The following MGAT4C variants were observed in gnomAD, a reference collection of about 807,000 sequenced individuals.
The protein encoded by MGAT4C is MGAT4 family member C.
Under a neutral mutation model 40.1 loss-of-function variants are expected in MGAT4C, and 19 were observed. That is an observed-to-expected ratio of 0.47 (90% confidence interval 0.33 to 0.70). MGAT4C has a LOEUF of 0.70. Among genes scored for constraint, MGAT4C ranks in the 30% least tolerant of loss-of-function variants. MGAT4C has a pLI of 0.02. For missense variants in MGAT4C, 491 were observed against 563.2 expected (o/e 0.87, Z 1.30); for synonymous variants, 181 against 187.1 (o/e 0.97, Z 0.27).
At chr12:86,502,830 CGAGTTCTGCTCATATATATATAT>C (rs1565808868) in intron 2 of MGAT4C, among the ~76,000 whole-genome samples, 6 of 27,004 alleles carry the variant, frequency 2.2e-4, no homozygotes, top group African/African-American at 2.8e-4. Flanking sequence ...TATGTATACA[CGAGTTCTGCTCATATATATATAT>C]GAGTTCTGCT....
intron 2 of MGAT4C, among the ~76,000 whole-genome samples, chr12:86,675,235 G>A (rs1964362957): frequency 6.6e-6 from 1 of 152,114 alleles, no homozygotes; most frequent in Admixed American, 6.6e-5. Context: ...TTGGTCCCAT[G>A]GAAACATTTA....
At chr12:86,173,548 A>G (rs936185779) in intron 1 of MGAT4C, among the ~76,000 whole-genome samples, 1 of 152,176 alleles carries the variant, frequency 6.6e-6, no homozygotes, top group African/African-American at 2.4e-5. Flanking sequence ...TTCCACAATT[A>G]TAAATATATC....
chr12:86,106,625 C>G (rs558106395), intron 1 of MGAT4C, among the ~76,000 whole-genome samples: 1 of 152,138 alleles, frequency 6.6e-6, no homozygotes, highest in East Asian at 1.9e-4. Flanking sequence ...AGAGTATTCT[C>G]TTGTTCTCTT....
chr12:86,493,381 A>T (rs1958175648), intron 2 of MGAT4C, among the ~76,000 whole-genome samples: 1 of 152,126 alleles, frequency 6.6e-6, no homozygotes, highest in Admixed American at 6.6e-5. Flanking sequence ...ACAATAGCAA[A>T]GACTTGGAAC....
intron 1 of MGAT4C, among the ~76,000 whole-genome samples, chr12:86,234,326 T>C (rs1413752104): frequency 6.6e-6 from 1 of 152,178 alleles, no homozygotes; most frequent in Non-Finnish European, 1.5e-5. Flanking sequence ...GGATTTGAAT[T>C]GATTTTTATA....
At chr12:86,294,606 A>G (rs758793358) in intron 4 of MGAT4C, among the ~76,000 whole-genome samples, 24 of 152,176 alleles carry the variant, frequency 1.6e-4, no homozygotes, top group Non-Finnish European at 2.4e-4. Context: ...CTGCAACTGT[A>G]CAAAATTGTA....
At chr12:86,358,466 C>T (rs1955370489) in intron 3 of MGAT4C, among the ~76,000 whole-genome samples, 1 of 152,090 alleles carries the variant, frequency 6.6e-6, no homozygotes, top group Admixed American at 6.6e-5. Flanking sequence ...GGATCAAATT[C>T]ACACATAACA....
At chr12:86,096,596 CT>C (rs899309826) in intron 1 of MGAT4C, among the ~76,000 whole-genome samples, 13 of 150,894 alleles carry the variant, frequency 8.6e-5, no homozygotes, top group Non-Finnish European at 1.5e-4. Flanking sequence ...TTCCTCGAAT[CT>C]TTTTTTTATG....
At chr12:86,519,947 A>C (rs1958763512) in intron 2 of MGAT4C, among the ~76,000 whole-genome samples, 1 of 152,070 alleles carries the variant, frequency 6.6e-6, no homozygotes, top group South Asian at 2.1e-4. Context: ...TGTGTTTTTG[A>C]GGTCTTACAC....
At chr12:86,346,122 A>G (rs75643971) in intron 3 of MGAT4C, among the ~76,000 whole-genome samples, 1,716 of 152,326 alleles carry the variant, frequency 0.011, 19 homozygotes, top group East Asian at 0.046. Context: ...TGTGCCCACT[A>G]TTTTAAATCC....
chr12:86,411,194 T>TA (rs1956595953), intron 3 of MGAT4C, among the ~76,000 whole-genome samples: 1 of 152,190 alleles, frequency 6.6e-6, no homozygotes, highest in Non-Finnish European at 1.5e-5. Context: ...GTTATAAAGA[T>TA]ACCTTAAAAC....
rs894838058 is a variant in MGAT4C at position 85,964,149 on chromosome 12, A to G, written c.*15140T>C. 3 of 152,142 alleles carry G rather than the reference A, an allele frequency of 2.0e-5. No homozygotes were observed. The highest frequency in any genetic ancestry group is 7.2e-5 in the African/African-American group (3 of 41,460). The allele number at this position is 152,142 out of a possible 1,614,324, so 9.4% of individuals were successfully genotyped here. ...TATCAAATATATGAAAAATTATGAA[A>G]GATTATAAAACACCAATGATTAGAT... On this transcript the variant is annotated 3_prime_UTR_variant, in exon 5 of 5. Transcript: ENST00000611864.
intron 1 of MGAT4C, among the ~76,000 whole-genome samples, chr12:86,236,284 T>G (rs903368839): frequency 6.6e-6 from 1 of 152,074 alleles, no homozygotes; most frequent in Non-Finnish European, 1.5e-5. Context: ...CACTCAGCCC[T>G]CCCATACTAA....
intron 4 of MGAT4C, among the ~76,000 whole-genome samples, chr12:86,330,553 T>C (rs577958707): frequency 6.6e-6 from 1 of 152,348 alleles, no homozygotes; most frequent in African/African-American, 2.4e-5. Flanking sequence ...TGAGGTGTGA[T>C]GCTTACTGAA....
chr12:86,425,777 C>T (rs1447676306), intron 3 of MGAT4C, among the ~76,000 whole-genome samples: 1 of 152,076 alleles, frequency 6.6e-6, no homozygotes, highest in African/African-American at 2.4e-5. Context: ...GTATTGCATG[C>T]ATATAACTTT....
rs578167436 is a variant in MGAT4C at position 86,138,677 on chromosome 12, C to CAT, written c.-56-88956_-56-88955dup. The stretch of plus-strand genomic sequence containing the variant: ...TTTCCATATATATCATATATATTTC[C>CAT]ATATATATATTTCCATATATATCCA... On this transcript the variant is annotated intron_variant, in intron 1 of 4. Coordinates refer to ENST00000611864, the MANE Select transcript of MGAT4C (RefSeq NM_001351288.2). Among the ~76,000 whole-genome samples the CAT allele has an allele frequency of 8.3e-5, 12 of 143,970 alleles. No individual in the cohort carries two copies. In the East Asian group the frequency reaches 2.2e-3, roughly 26 times the overall value. 94.4% of individuals were successfully genotyped at this position (143,970 alleles called of 152,430 possible).
intron 1 of MGAT4C, among the ~76,000 whole-genome samples, chr12:86,833,165 G>T (rs1386003089): frequency 6.6e-6 from 1 of 151,756 alleles, no homozygotes; most frequent in Non-Finnish European, 1.5e-5. Context: ...TACCAAAGTA[G>T]GAAATTTGAT....
At chr12:86,611,417 T>A in intron 2 of MGAT4C, among the ~76,000 whole-genome samples, 1 of 150,500 alleles carries the variant, frequency 6.6e-6, no homozygotes, top group East Asian at 2.0e-4. Flanking sequence ...GGTAGGTAGG[T>A]AGGTAGATAG....
intron 2 of MGAT4C, among the ~76,000 whole-genome samples, chr12:86,675,018 C>T (rs1964355316): frequency 6.6e-6 from 1 of 152,112 alleles, no homozygotes; most frequent in African/African-American, 2.4e-5. Flanking sequence ...ACATATACTT[C>T]ATTCGTTTTT....
Sources: gnomAD v4.1 joint callset for allele counts (sites outside exome capture counted in the v4.1 genomes callset) on GRCh38, gnomAD v4.1.1 for gene constraint, MANE v1.5 for transcripts, NCBI Gene and HGNC (gene_info 2026-07-23, HGNC 2026-07-21) for gene names.